The following MARCHF1 variants were observed in gnomAD, a reference collection of about 807,000 sequenced individuals.
MARCHF1 encodes E3 ubiquitin-protein ligase MARCHF1.
In MARCHF1, 40 loss-of-function variants were observed where a neutral mutation model predicts 54.2. The ratio of observed to expected loss-of-function variants is 0.74; its 90% CI spans 0.57 to 0.96. MARCHF1 has a LOEUF of 0.96. MARCHF1 is among the 40% of genes least tolerant of loss of function. The pLI is 0.00. For synonymous variants in MARCHF1, 236 were observed against 236.3 expected, an observed-to-expected ratio of 1.00 and a Z score of 0.01; for missense variants, 586 against 656.5, an observed-to-expected ratio of 0.89 and a Z score of 1.17.
chr4:164,082,585 T>C (rs1383782666), intron 2 of MARCHF1, among the ~76,000 whole-genome samples: 1 of 152,200 alleles, frequency 6.6e-6, no homozygotes, highest in Non-Finnish European at 1.5e-5. Flanking sequence ...TATATACAAA[T>C]GTTATCTGTA....
chr4:163,830,097 A>G (rs1010653094), intron 4 of MARCHF1, among the ~76,000 whole-genome samples: 2 of 152,088 alleles, frequency 1.3e-5, no homozygotes, highest in African/African-American at 4.8e-5. Flanking sequence ...AATGTTCAAA[A>G]AGTTCTGAAA....
chr4:163,934,576 TAAAAAAAAAAAAAA>T (rs551026107), intron 3 of MARCHF1, among the ~76,000 whole-genome samples: 4 of 77,878 alleles, frequency 5.1e-5, no homozygotes, highest in Admixed American at 3.3e-4. Context: ...TCTTTTTAAG[TAAAAAAAAAAAAAA>T]AAAAAAAAAA....
chr4:164,199,495 T>C (rs1379097604), intron 1 of MARCHF1, among the ~76,000 whole-genome samples: 1 of 151,918 alleles, frequency 6.6e-6, no homozygotes, highest in African/African-American at 2.4e-5. Flanking sequence ...ATACAAAAGT[T>C]AGCCAGCTGT....
chr4:164,265,307 T>G (rs1354286087), intron 1 of MARCHF1, among the ~76,000 whole-genome samples: 1 of 152,202 alleles, frequency 6.6e-6, no homozygotes, highest in Non-Finnish European at 1.5e-5. Flanking sequence ...ATTAAAATTC[T>G]GCAAAGCAGT....
chr4:164,197,296 G>A, intron 1 of MARCHF1: 1 of 1,611,852 alleles, frequency 6.2e-7, no homozygotes, highest in Non-Finnish European at 8.5e-7. Context: ...GTCGAGATAT[G>A]TGAGTTGCAG....
rs530724776 is a variant in MARCHF1 at position 164,047,972 on chromosome 4, T to G, written c.-247-59263A>C. Among the ~76,000 whole-genome samples, 6 of 152,276 alleles carry G rather than the reference T, an allele frequency of 3.9e-5. No individual in the cohort carries two copies. In the South Asian group the frequency reaches 6.2e-4, roughly 16 times the overall value. Reference sequence around the variant, plus strand: ...ACCAACATTTTTCCCAGAGCAGCATTAGCATATTCAAAATTCTCTCAGAAG... The same window carrying G: ...ACCAACATTTTTCCCAGAGCAGCATGAGCATATTCAAAATTCTCTCAGAAG... On this transcript the variant is annotated intron_variant, in intron 2 of 9. Transcript: ENST00000514618.
At chr4:163,935,702 CTTT>C (rs34331599) in intron 3 of MARCHF1, among the ~76,000 whole-genome samples, 28,737 of 126,164 alleles carry the variant, frequency 0.23, 2,539 homozygotes, top group South Asian at 0.35. Flanking sequence ...TGCTTGCTTT[CTTT>C]TTTTTTTTTT....
chr4:163,583,838 G>A (rs1740319556), intron 8 of MARCHF1: 1 of 149,592 alleles, frequency 6.7e-6, no homozygotes, highest in African/African-American at 2.5e-5. Context: ...TAACTTTTTT[G>A]TAGAGACAAG....
intron 1 of MARCHF1, among the ~76,000 whole-genome samples, chr4:164,199,677 C>CAGAGAGAG (rs752515952): frequency 3.3e-4 from 21 of 64,008 alleles, no homozygotes; most frequent in Non-Finnish European, 4.7e-4. Context: ...CACACACACA[C>CAGAGAGAG]ACACAGAGAG....
chr4:164,011,339 G>A (rs1245181429), intron 2 of MARCHF1, among the ~76,000 whole-genome samples: 3 of 152,096 alleles, frequency 2.0e-5, no homozygotes, highest in Non-Finnish European at 4.4e-5. Context: ...ACAACCCGCA[G>A]ATGTTAAGAA....
rs149554626 is a variant in MARCHF1, at chr4:164,122,029, A to G, written c.-322-10367T>C. Among the ~76,000 whole-genome samples, 908 of 152,310 alleles carry G rather than the reference A, an allele frequency of 6.0e-3. 9 individuals carry two copies. The highest frequency in any genetic ancestry group is 0.021 in the African/African-American group (863 of 41,580). On this transcript the variant is annotated intron_variant, in intron 1 of 9. Coordinates refer to ENST00000514618, the MANE Select transcript of MARCHF1 (RefSeq NM_001394959.1). ...TGGGATTTATCCCAGGGATGCAAGT[A>G]TGGTTCAACATACACAAATCAATCA...
intron 4 of MARCHF1, among the ~76,000 whole-genome samples, chr4:163,794,504 T>A (rs1747857194): frequency 6.6e-6 from 1 of 152,188 alleles, no homozygotes; most frequent in African/African-American, 2.4e-5. Flanking sequence ...TCTAAAAACT[T>A]ACAAATACAG....
chr4:163,964,703 T>A (rs976542405), intron 3 of MARCHF1, among the ~76,000 whole-genome samples: 1 of 152,116 alleles, frequency 6.6e-6, no homozygotes, highest in East Asian at 1.9e-4. Flanking sequence ...CTTGTTTCTA[T>A]AACCCTTTTT....
intron 4 of MARCHF1, among the ~76,000 whole-genome samples, chr4:163,756,969 C>T (rs1017542622): frequency 3.9e-5 from 6 of 152,064 alleles, no homozygotes; most frequent in Non-Finnish European, 5.9e-5. Flanking sequence ...ATTGGCCATA[C>T]ACAAGAGGAT....
chr4:163,664,623 A>G (rs1743466998), intron 5 of MARCHF1, among the ~76,000 whole-genome samples: 1 of 152,104 alleles, frequency 6.6e-6, no homozygotes, highest in Admixed American at 6.6e-5. Context: ...AGTTCCTAAC[A>G]TGCTAGAATA....
At chr4:163,841,576 G>A (rs1316566964) in intron 4 of MARCHF1, among the ~76,000 whole-genome samples, 1 of 151,952 alleles carries the variant, frequency 6.6e-6, no homozygotes, top group African/African-American at 2.4e-5. Flanking sequence ...ATTAATTTTT[G>A]AATTTATTCT....
intron 4 of MARCHF1, among the ~76,000 whole-genome samples, chr4:163,718,793 C>T (rs1023073417): frequency 1.3e-5 from 2 of 151,932 alleles, no homozygotes; most frequent in African/African-American, 4.8e-5. Flanking sequence ...GTATTTATCC[C>T]AACTTTCTGA....
chr4:163,685,085 A>G (rs1269581214), intron 5 of MARCHF1, among the ~76,000 whole-genome samples: 1 of 152,226 alleles, frequency 6.6e-6, no homozygotes, highest in Non-Finnish European at 1.5e-5. Flanking sequence ...CCTGCTTAAC[A>G]TTGTGAATAG....
chr4:163,841,810 T>C (rs1435335016), intron 4 of MARCHF1, among the ~76,000 whole-genome samples: 1 of 152,154 alleles, frequency 6.6e-6, no homozygotes, highest in Non-Finnish European at 1.5e-5. Context: ...TTTCATTTTT[T>C]ATCTTTAAAG....
Sources: gnomAD v4.1 joint callset for allele counts (sites outside exome capture counted in the v4.1 genomes callset) on GRCh38, gnomAD v4.1.1 for gene constraint, MANE v1.5 for transcripts, NCBI Gene and HGNC (gene_info 2026-07-23, HGNC 2026-07-21) for gene names.